The following PLCB4 variants were observed in gnomAD, a reference collection of about 807,000 sequenced individuals.
The protein encoded by PLCB4 is phospholipase C beta 4, also known as 1-phosphatidylinositol 4,5-bisphosphate phosphodiesterase beta-4.
A neutral mutation model predicts 178.8 loss-of-function variants in PLCB4; 77 were observed. The observed-to-expected ratio is 0.43, with a 90% CI of 0.36 to 0.52. The LOEUF is 0.52. PLCB4 is among the 20% of genes least tolerant of loss of function. The pLI is 0.00. For synonymous variants in PLCB4, 496 were observed against 490.8 expected (o/e 1.01, Z -0.14); for missense variants, 1,024 against 1,453.4 (o/e 0.70, Z 4.80).
At chr20:9,439,751 G>A (rs1177202845) in intron 30 of PLCB4, among the ~76,000 whole-genome samples, 1 of 152,188 alleles carries the variant, frequency 6.6e-6, no homozygotes, top group Non-Finnish European at 1.5e-5. Flanking sequence ...AGCAACAACT[G>A]TGGACAAAGT....
intron 2 of PLCB4, among the ~76,000 whole-genome samples, chr20:9,216,787 G>A (rs2093738331): frequency 6.6e-6 from 1 of 152,176 alleles, no homozygotes; most frequent in Non-Finnish European, 1.5e-5. Context: ...TTATAGGTGT[G>A]AGCCACTGCA....
intron 39 of PLCB4, among the ~76,000 whole-genome samples, chr20:9,478,163 T>C (rs935854120): frequency 2.0e-5 from 3 of 152,196 alleles, no homozygotes; most frequent in African/African-American, 7.2e-5. Flanking sequence ...TCCAAGCAAG[T>C]ATTTCTCACC....
chr20:9,333,978 A>C (rs77109510), intron 4 of PLCB4, among the ~76,000 whole-genome samples: 1,595 of 152,268 alleles, frequency 0.01, 17 homozygotes, highest in Non-Finnish European at 0.018. Flanking sequence ...GGAGATGTCA[A>C]ATAGCAAATA....
At position 9,479,023 on chromosome 20, in the gene PLCB4, C is replaced by T. The variant is rs1272414690; in HGVS notation, c.*14C>T. ...AATGCAAACTGAAGCAGCAAACCCA[C>T]AAAGCATCAAAAGACTCACTCACAA... On this transcript the variant is annotated 3_prime_UTR_variant, in exon 40 of 40. Coordinates refer to ENST00000378473, the MANE Select transcript of PLCB4 (RefSeq NM_001377142.1). 6.3e-7 allele frequency: 1 copy of T among 1,585,536 alleles called. No homozygotes were observed.
chr20:9,389,797 CAATT>C (rs1375806596), intron 15 of PLCB4, 78 bp from the exon 16 acceptor site: 7 of 723,694 alleles, frequency 9.7e-6, no homozygotes, highest in Non-Finnish European at 1.7e-5. Flanking sequence ...CTGAAAGACT[CAATT>C]AATAGTCTCT....
At chr20:9,409,908 A>G (rs1277245089) in intron 24 of PLCB4, among the ~76,000 whole-genome samples, 5 of 152,170 alleles carry the variant, frequency 3.3e-5, no homozygotes, top group Non-Finnish European at 7.4e-5. Flanking sequence ...TATGCCACAA[A>G]CCCTCTTCAC....
intron 2 of PLCB4, among the ~76,000 whole-genome samples, chr20:9,138,060 G>A (rs1300952761): frequency 6.6e-6 from 1 of 152,090 alleles, no homozygotes; most frequent in Non-Finnish European, 1.5e-5. Flanking sequence ...AAGGCAGAGA[G>A]GTTAGTGAAT....
At chr20:9,092,675 T>C (rs1415870108) in intron 1 of PLCB4, among the ~76,000 whole-genome samples, 1 of 152,168 alleles carries the variant, frequency 6.6e-6, no homozygotes, top group East Asian at 1.9e-4. Flanking sequence ...TTTGGGCAGA[T>C]GTGGCATCTC....
chr20:9,344,966 G>A (rs2033644740), intron 7 of PLCB4, among the ~76,000 whole-genome samples: 2 of 152,138 alleles, frequency 1.3e-5, no homozygotes, highest in African/African-American at 2.4e-5. Flanking sequence ...GCTAATAGGC[G>A]AGTCTTATAC....
chr20:9,207,693 C>T (rs911117763), intron 2 of PLCB4, among the ~76,000 whole-genome samples: 2 of 152,178 alleles, frequency 1.3e-5, no homozygotes, highest in African/African-American at 2.4e-5. Context: ...CCACCATCTG[C>T]TCCACAATAG....
At chr20:9,203,980 C>T (rs2093584717) in intron 2 of PLCB4, among the ~76,000 whole-genome samples, 3 of 151,828 alleles carry the variant, frequency 2.0e-5, no homozygotes, top group Admixed American at 1.3e-4. Flanking sequence ...CCATTACACA[C>T]GTTTGATCAC....
intron 1 of PLCB4, among the ~76,000 whole-genome samples, chr20:9,092,237 A>G (rs947109783): frequency 2.7e-4 from 41 of 152,124 alleles, no homozygotes; most frequent in African/African-American, 9.7e-4. Flanking sequence ...CTGGAATAGC[A>G]TTGCTGTCTT....
intron 3 of PLCB4, among the ~76,000 whole-genome samples, chr20:9,237,636 G>C (rs1403639240): frequency 6.6e-6 from 1 of 152,210 alleles, no homozygotes; most frequent in South Asian, 2.1e-4. Context: ...CATGACAGTA[G>C]ACCACAGATC....
At position 9,384,251 on chromosome 20, in the gene PLCB4, G is replaced by A. The variant is rs777193842; in HGVS notation, c.904G>A (p.Ala302Thr). The A allele has an allele frequency of 1.2e-6, 2 of 1,614,050 alleles. No homozygotes were observed. The highest frequency in any genetic ancestry group is 2.2e-5 in the East Asian group (1 of 44,878). Residue 302 changes from alanine to threonine, a missense_variant, in exon 14 of 40, where the codon GCC becomes ACC. Ala to Thr is a moderately conservative substitution (Grantham distance 58, BLOSUM62 0). Transcript: ENST00000378473. Reference protein sequence around the residue: ...FCRYLMSDENAPVFLDRLELY... With the variant: ...FCRYLMSDENTPVFLDRLELY... ...CAGATATCTGATGTCAGATGAAAAC[G>A]CCCCAGTCTTCCTAGATCGTTTAGA...
chr20:9,453,724 A>G (rs1266689840), intron 33 of PLCB4, among the ~76,000 whole-genome samples: 1 of 152,210 alleles, frequency 6.6e-6, no homozygotes, highest in Non-Finnish European at 1.5e-5. Flanking sequence ...ATTATTTCTA[A>G]TATGAGAAAG....
At chr20:9,100,378 G>A (rs975639227) in intron 2 of PLCB4, among the ~76,000 whole-genome samples, 7 of 152,096 alleles carry the variant, frequency 4.6e-5, no homozygotes, top group African/African-American at 1.7e-4. Context: ...ATTTGTTATT[G>A]TTAATTTTTT....
intron 2 of PLCB4, among the ~76,000 whole-genome samples, chr20:9,124,228 G>A (rs1309187600): frequency 4.6e-5 from 7 of 152,076 alleles, no homozygotes; most frequent in South Asian, 4.2e-4. Context: ...AATCTCAACC[G>A]GGTGAGACAG....
intron 3 of PLCB4, among the ~76,000 whole-genome samples, chr20:9,265,354 A>C (rs1156547901): frequency 1.3e-5 from 2 of 152,090 alleles, no homozygotes; most frequent in Non-Finnish European, 2.9e-5. Context: ...ATGTTGCCAC[A>C]CGCCTGTAAT....
At chr20:9,175,298 C>CAA (rs1321943539) in intron 2 of PLCB4, among the ~76,000 whole-genome samples, 1 of 152,052 alleles carries the variant, frequency 6.6e-6, no homozygotes, top group Non-Finnish European at 1.5e-5. Context: ...GAAGGGTGAA[C>CAA]CCTTCTAGGT....
Sources: allele counts gnomAD v4.1 joint callset (sites outside exome capture counted in the v4.1 genomes callset), GRCh38; gene constraint gnomAD v4.1.1; transcripts MANE v1.5; gene names NCBI Gene and HGNC (gene_info 2026-07-23, HGNC 2026-07-21).